The following DACT2 variants were observed in gnomAD, a reference collection of about 807,000 sequenced individuals.
DACT2 encodes the protein dishevelled binding antagonist of beta catenin 2, also known as dapper homolog 2.
A neutral mutation model predicts 22.2 loss-of-function variants in DACT2; 20 were observed. That is an observed-to-expected ratio of 0.90 (90% CI 0.63 to 1.31). The LOEUF is 1.31. DACT2 is among the 50% of genes most tolerant of loss of function. The pLI, the probability that DACT2 is intolerant of heterozygous loss-of-function variation, is 0.00. For synonymous variants in DACT2, 463 were observed against 479.8 expected (o/e 0.96, Z 0.46); for missense variants, 1,048 against 1,061.4 (o/e 0.99, Z 0.18).
At chr6:168,293,950 G>A in intron 5 of DACT2, 3 of 703,462 alleles carry the variant, frequency 4.3e-6, no homozygotes, top group South Asian at 3.0e-5. Flanking sequence ...TTCTGTAAGT[G>A]ACGTCCCCAG....
chr6:168,297,516 A>T (rs1779028610), intron 3 of DACT2, among the ~76,000 whole-genome samples: 1 of 152,186 alleles, frequency 6.6e-6, no homozygotes. Flanking sequence ...AGGCAAAGAA[A>T]CAGCTTCTTC....
At chr6:168,315,339 T>G (rs1007128007) in intron 1 of DACT2, among the ~76,000 whole-genome samples, 1 of 152,114 alleles carries the variant, frequency 6.6e-6, no homozygotes, top group Non-Finnish European at 1.5e-5. Context: ...CTAGGGCTTG[T>G]TGGGGAACCT....
chr6:168,310,218 T>A lies in DACT2; in HGVS notation c.608A>T (p.Glu203Val). 1 of 1,550,964 alleles carries A rather than the reference T, an allele frequency of 6.4e-7. No individual in the cohort carries two copies. Among genetic ancestry groups the A allele is most frequent in the Non-Finnish European group, 8.7e-7 (1 of 1,146,968 alleles). The stretch of plus-strand genomic sequence containing the variant: ...TGTGCCCCACGGCTGGCCTGCATCC[T>A]CCACGCTCCCTGGGGGCCTGGCGCC... ...EEGARPPGSV[E>V]DAGQPWGTFW... Residue 203 changes from glutamate (E) to valine (V), a missense_variant, in exon 3 of 4, where the codon GAG (glutamate) becomes GTG (valine). Physicochemically the swap from Glu to Val is moderately radical, Grantham distance 121. Transcript: ENST00000366795.
intron 2 of DACT2, 86 bp from the exon 3 acceptor site, chr6:168,310,532 G>A: frequency 6.7e-7 from 1 of 1,494,234 alleles, no homozygotes; most frequent in Non-Finnish European, 8.9e-7. Flanking sequence ...CACGGCACAG[G>A]TGGGCCCAGG....
downstream of DACT2, among the ~76,000 whole-genome samples, chr6:168,303,337 G>T (rs1012724855): frequency 1.3e-4 from 20 of 152,114 alleles, no homozygotes; most frequent in African/African-American, 4.3e-4. Flanking sequence ...TTGGGAGGTG[G>T]GTCCTGGAGG....
intron 3 of DACT2, chr6:168,299,777 C>T (rs1237972025): frequency 6.6e-6 from 1 of 152,352 alleles, no homozygotes; most frequent in East Asian, 1.9e-4. Flanking sequence ...CCACCGCGTC[C>T]CTGAAGGCTC....
At chr6:168,311,582 AT>A (rs1779409870) in intron 1 of DACT2, among the ~76,000 whole-genome samples, 2 of 77,470 alleles carry the variant, frequency 2.6e-5, no homozygotes, top group African/African-American at 1.1e-4. Context: ...ACACACACCC[AT>A]CCACACACAC....
chr6:168,304,622 A>C (rs2114899472), downstream of DACT2, among the ~76,000 whole-genome samples: 1 of 152,298 alleles, frequency 6.6e-6, no homozygotes, highest in Middle Eastern at 3.4e-3. Flanking sequence ...GGGAGGCCAT[A>C]ACCTGGGCCG....
intron 2 of DACT2, 37 bp downstream of exon 2, chr6:168,311,115 C>T (rs1270344108): frequency 6.7e-7 from 1 of 1,496,540 alleles, no homozygotes; most frequent in African/African-American, 1.4e-5. Flanking sequence ...TGCTGCGTGC[C>T]TGCCCCTGTG....
chr6:168,316,196 A>G (rs1036550899), intron 1 of DACT2, among the ~76,000 whole-genome samples: 1 of 152,270 alleles, frequency 6.6e-6, no homozygotes, highest in Admixed American at 6.5e-5. Flanking sequence ...AGCCAAGTTA[A>G]TCATCACCTG....
intron 4 of DACT2, among the ~76,000 whole-genome samples, chr6:168,294,395 G>A (rs61095734): frequency 0.011 from 1,641 of 150,132 alleles, 37 homozygotes; most frequent in African/African-American, 0.039. Context: ...TGGGCGGAGC[G>A]TGCACGTGGG....
chr6:168,308,562 C>CGGCACCCCTGCT lies in DACT2; in HGVS notation c.1183_1194dup (p.Ser395_Ala398dup), dbSNP rs1284839698. The CGGCACCCCTGCT allele has an allele frequency of 7.7e-6, 12 of 1,549,334 alleles. No homozygotes were observed. Among genetic ancestry groups the CGGCACCCCTGCT allele is most frequent in the African/African-American group, 4.1e-5 (3 of 73,166 alleles). On this transcript the variant is annotated inframe_insertion, in exon 4 of 4. Coordinates refer to ENST00000366795, the MANE Select transcript of DACT2 (RefSeq NM_214462.5). ...CCCTGCTGCTGGGGCCCGCCCCTGC[C>CGGCACCCCTGCT]GGCACCCCTGCTCTGAGCTGGCCCT...
chr6:168,308,743 C>T lies in DACT2; in HGVS notation c.1014G>A (p.Leu338=). ...CTGGGGTCTCCCGGCCCCACAGATGCAGCAACCTGTCGATATAAGCTCTGG... is the reference window on the plus strand; with the variant it reads ...CTGGGGTCTCCCGGCCCCACAGATGTAGCAACCTGTCGATATAAGCTCTGG... ...ARARAYIDRL[L]HLWGRETPAK... is the part of the protein sequence containing the mutation. Residue 338 remains leucine, a synonymous_variant, in exon 4 of 4, where the codon CTG becomes CTA. Coordinates refer to ENST00000366795, the MANE Select transcript of DACT2 (RefSeq NM_214462.5). The T allele has an allele frequency of 6.4e-7, 1 of 1,551,294 alleles. No individual in the cohort carries two copies. The highest frequency in any genetic ancestry group is 1.2e-5 in the South Asian group (1 of 84,060).
downstream of DACT2, among the ~76,000 whole-genome samples, chr6:168,304,631 C>A (rs183109564): frequency 6.6e-6 from 1 of 152,214 alleles, no homozygotes; most frequent in Non-Finnish European, 1.5e-5. Context: ...TAACCTGGGC[C>A]GACTCACCCC....
chr6:168,301,785 C>T (rs992834757), intron 3 of DACT2, among the ~76,000 whole-genome samples: 6 of 152,214 alleles, frequency 3.9e-5, no homozygotes, highest in African/African-American at 1.2e-4. Context: ...AATAAACAAC[C>T]TTTGTTTGTC....
At chr6:168,300,673 A>G (rs1779086745) in intron 3 of DACT2, 1 of 152,226 alleles carries the variant, frequency 6.6e-6, no homozygotes. Flanking sequence ...CATTATTTCT[A>G]TAAGAATATT....
chr6:168,308,428 G>A lies in DACT2; in HGVS notation c.1329C>T (p.Ser443=), dbSNP rs1779288798. The change falls in exon 4 of 4, where the codon AGC becomes AGT. Residue 443 remains serine, a synonymous_variant. Transcript: ENST00000366795. Reference sequence around the variant, plus strand: ...CTGAGGGTGTCTGCTGGGCCTTTGAGCTGGGAGAAGCCTGCACCATGGTCT... The same window carrying A: ...CTGAGGGTGTCTGCTGGGCCTTTGAACTGGGAGAAGCCTGCACCATGGTCT... ...LRETMVQASP[S]SKAQQTPSAQ... 1.3e-6 allele frequency: 2 copies of A among 1,551,744 alleles called. No individual in the cohort carries two copies. Among genetic ancestry groups the A allele is most frequent in the East Asian group, 4.9e-5 (2 of 40,896 alleles).
At position 168,315,152 on chromosome 6, in the gene DACT2, A is replaced by G. The variant is rs557259099; in HGVS notation, c.247-3868T>C. On this transcript the variant is annotated intron_variant, in intron 1 of 3. Transcript: ENST00000366795. ...ATTGTTGCAAGCTGCCACTTTCAGA[A>G]CAAGTCATGACCAGCCATGTCAAGA... Among the ~76,000 whole-genome samples, 10 of 152,326 alleles carry G rather than the reference A, an allele frequency of 6.6e-5. No individual in the cohort carries two copies. In the South Asian group the frequency reaches 2.1e-3, roughly 32 times the overall value.
At chr6:168,295,235 T>C (rs1778988600) in intron 3 of DACT2, among the ~76,000 whole-genome samples, 1 of 152,234 alleles carries the variant, frequency 6.6e-6, no homozygotes, top group Non-Finnish European at 1.5e-5. Flanking sequence ...TTTCCGCAGA[T>C]ATAATACCAG....
Sources: allele counts gnomAD v4.1 joint callset (sites outside exome capture counted in the v4.1 genomes callset), GRCh38; gene constraint gnomAD v4.1.1; transcripts MANE v1.5; gene names NCBI Gene and HGNC (gene_info 2026-07-23, HGNC 2026-07-21).